Variants in TENM3 observed in about 807,000 individuals in gnomAD.
The protein encoded by TENM3 is teneurin-3.
TENM3 carries 63 observed loss-of-function variants against 255.1 expected under a neutral mutation model. The ratio of observed to expected loss-of-function variants is 0.25; its 90% CI spans 0.20 to 0.30. The LOEUF is 0.30. TENM3 is among the 10% of genes least tolerant of loss of function. The pLI, the probability that TENM3 is intolerant of heterozygous loss-of-function variation, is 1.00. For synonymous variants in TENM3, 1,306 were observed against 1,322.3 expected (o/e 0.99, Z 0.27); for missense variants, 2,929 against 3,461.1 (o/e 0.85, Z 3.86).
At chr4:182,474,325 A>C (rs1733453451) in intron 3 of TENM3, among the ~76,000 whole-genome samples, 1 of 152,216 alleles carries the variant, frequency 6.6e-6, no homozygotes, top group African/African-American at 2.4e-5. Context: ...ATTTGTAGGC[A>C]TCAGCATTTG....
At chr4:182,195,032 C>CACACACAT (rs965245478) in intron 1 of TENM3, among the ~76,000 whole-genome samples, 3 of 40,798 alleles carry the variant, frequency 7.4e-5, no homozygotes, top group African/African-American at 1.6e-4. Flanking sequence ...ATCACACACA[C>CACACACAT]ACACACACAC....
At position 182,679,768 on chromosome 4, in the gene TENM3, C is replaced by T. The variant is rs563892336; in HGVS notation, c.1429C>T (p.Leu477Phe). ...RAGRQARSVS[L>F]HEAGFIQYLD... ...CGGGCGGCAGGCGAGATCCGTCAGCCTTCATGAGGCCGGCTTTATCCAGTA... is the reference window on the plus strand; with the variant it reads ...CGGGCGGCAGGCGAGATCCGTCAGCTTTCATGAGGCCGGCTTTATCCAGTA... Residue 477 changes from leucine (L) to phenylalanine (F), a missense_variant, in exon 8 of 28, where the codon CTT (leucine) becomes TTT (phenylalanine). Transcript: ENST00000511685. 137 of 1,613,952 alleles carry T rather than the reference C, an allele frequency of 8.5e-5. 1 individual carries two copies. In the South Asian group the frequency reaches 1.1e-3, roughly 13 times the overall value.
At chr4:181,886,563 T>C in the TENM3 span, among the ~76,000 whole-genome samples, 1 of 152,206 alleles carries the variant, frequency 6.6e-6, no homozygotes, top group South Asian at 2.1e-4. Context: ...GTTCATAATT[T>C]ATATGTATTC....
intron 3 of TENM3, among the ~76,000 whole-genome samples, chr4:182,450,635 A>T (rs574915901): frequency 1.3e-5 from 2 of 152,358 alleles, no homozygotes; most frequent in South Asian, 2.1e-4. Context: ...ACTCACAAAA[A>T]TATGAATGCA....
At chr4:181,751,415 G>GAAAA in the TENM3 span, among the ~76,000 whole-genome samples, 3 of 114,716 alleles carry the variant, frequency 2.6e-5, no homozygotes, top group African/African-American at 9.2e-5. Flanking sequence ...CCTTCCAAAG[G>GAAAA]AAAAAAAAAA....
intron 3 of TENM3, among the ~76,000 whole-genome samples, chr4:182,433,580 A>G (rs532040703): frequency 5.5e-4 from 84 of 152,352 alleles, no homozygotes; most frequent in African/African-American, 1.8e-3. Flanking sequence ...GGCATGACTG[A>G]GAAAAATCAC....
the TENM3 span, among the ~76,000 whole-genome samples, chr4:181,779,019 C>A: frequency 6.6e-6 from 1 of 152,076 alleles, no homozygotes; most frequent in Non-Finnish European, 1.5e-5. Flanking sequence ...AACCAGCACT[C>A]CTGAAGTGAG....
the TENM3 span, among the ~76,000 whole-genome samples, chr4:182,115,328 T>C: frequency 6.6e-6 from 1 of 152,226 alleles, no homozygotes; most frequent in Middle Eastern, 3.2e-3. Context: ...AGAAAAATTA[T>C]AAGACTTGGA....
intron 3 of TENM3, among the ~76,000 whole-genome samples, chr4:182,596,012 G>A (rs1019062155): frequency 2.0e-5 from 3 of 151,836 alleles, no homozygotes; most frequent in African/African-American, 2.4e-5. Flanking sequence ...GGGGTGAGTG[G>A]CATGGTTCCT....
intron 1 of TENM3, among the ~76,000 whole-genome samples, chr4:182,228,210 C>A (rs1756312791): frequency 6.6e-6 from 1 of 151,606 alleles, no homozygotes; most frequent in African/African-American, 2.4e-5. Flanking sequence ...GGGATTTTTG[C>A]TAAGTGAGTA....
chr4:181,975,615 G>A, the TENM3 span: 1 of 152,426 alleles, frequency 6.6e-6, no homozygotes, highest in South Asian at 2.1e-4. Flanking sequence ...GAAGTAGGTT[G>A]TGAGGAGACC....
At chr4:182,051,911 T>C in the TENM3 span, among the ~76,000 whole-genome samples, 1 of 152,138 alleles carries the variant, frequency 6.6e-6, no homozygotes, top group Non-Finnish European at 1.5e-5. Context: ...CCCTAAAATG[T>C]TGTTCTAGTT....
At chr4:182,322,129 G>A (rs1413251910) in intron 1 of TENM3, among the ~76,000 whole-genome samples, 1 of 152,090 alleles carries the variant, frequency 6.6e-6, no homozygotes, top group East Asian at 1.9e-4. Context: ...TTTCTCTTAA[G>A]AGCTATTGGA....
At chr4:182,365,349 G>T (rs995183896) in intron 3 of TENM3, among the ~76,000 whole-genome samples, 3 of 152,120 alleles carry the variant, frequency 2.0e-5, no homozygotes, top group African/African-American at 7.2e-5. Flanking sequence ...GTGTATATGT[G>T]GCCTCGATGA....
At chr4:182,521,734 C>T (rs186847207) in intron 3 of TENM3, among the ~76,000 whole-genome samples, 60 of 152,146 alleles carry the variant, frequency 3.9e-4, no homozygotes, top group African/African-American at 1.4e-3. Flanking sequence ...ATGTTGCTGC[C>T]TCAGTAGGAT....
chr4:181,930,232 G>T, the TENM3 span, among the ~76,000 whole-genome samples: 1 of 152,210 alleles, frequency 6.6e-6, no homozygotes, highest in East Asian at 1.9e-4. Flanking sequence ...CCAGGAGCTG[G>T]TTTTTTGAAA....
the TENM3 span, among the ~76,000 whole-genome samples, chr4:181,512,805 A>T: frequency 6.6e-6 from 1 of 152,218 alleles, no homozygotes; most frequent in Non-Finnish European, 1.5e-5. Context: ...TCCAGTTCCT[A>T]TGTAATGCAT....
chr4:181,588,929 A>G, the TENM3 span, among the ~76,000 whole-genome samples: 1 of 152,180 alleles, frequency 6.6e-6, no homozygotes, highest in African/African-American at 2.4e-5. Context: ...TCATTGAAAA[A>G]TTGTTTAGGT....
At chr4:181,967,826 C>G in the TENM3 span, among the ~76,000 whole-genome samples, 1 of 152,102 alleles carries the variant, frequency 6.6e-6, no homozygotes, top group African/African-American at 2.4e-5. Flanking sequence ...TTGTTCAGTT[C>G]CACCCCCCAG....
Sources: allele counts gnomAD v4.1 joint callset (sites outside exome capture counted in the v4.1 genomes callset), GRCh38; gene constraint gnomAD v4.1.1; transcripts MANE v1.5; gene names NCBI Gene and HGNC (gene_info 2026-07-23, HGNC 2026-07-21).